ZNF273: variants seen among roughly 807,000 people sequenced by gnomAD.
ZNF273 encodes zinc finger protein 273, also known as zinc finger protein 9.
A neutral mutation model predicts 14.9 loss-of-function variants in ZNF273; 11 were observed. That is an observed-to-expected ratio of 0.74 (90% CI 0.46 to 1.22). The LOEUF (loss-of-function observed/expected upper bound fraction) is 1.22, where lower values mean the gene tolerates loss of function less well. Ranked by LOEUF, ZNF273 falls within the 50% of genes most tolerant of loss-of-function variation. ZNF273 has a pLI of 0.00. For missense variants in ZNF273, 577 were observed against 660.6 expected, an observed-to-expected ratio of 0.87 and a Z score of 1.39; for synonymous variants, 199 against 223.9, an observed-to-expected ratio of 0.89 and a Z score of 0.99.
chr7:64,881,192 C>T (rs183697700), downstream of ZNF273, among the ~76,000 whole-genome samples: 289 of 152,336 alleles, frequency 1.9e-3, no homozygotes, highest in Non-Finnish European at 3.3e-3. Context: ...CTGGCCAGCT[C>T]CCGATTTCCG....
In ZNF273 at chr7:64,923,312, G is replaced by A. The variant is rs544768801; in HGVS notation, c.326-4342G>A. The A allele has an allele frequency of 4.2e-4, 174 of 416,530 alleles. 2 individuals carry two copies. Among genetic ancestry groups the A allele is most frequent in the South Asian group, 2.5e-3 (150 of 61,138 alleles). The allele number at this position is 416,530 out of a possible 1,614,324, so 25.8% of individuals were successfully genotyped here. On this transcript the variant is annotated intron_variant, in intron 3 of 3. Coordinates refer to ENST00000476120, the MANE Select transcript of ZNF273 (RefSeq NM_021148.3). ...AACTGAGTGACAGTCCAGTTTTATTGTTGTTGTTTGTTTTGTGTGTGTGTG... is the reference window on the plus strand; with the variant it reads ...AACTGAGTGACAGTCCAGTTTTATTATTGTTGTTTGTTTTGTGTGTGTGTG...
chr7:64,909,112 T>G (rs1316214437), intron 1 of ZNF273, among the ~76,000 whole-genome samples: 2 of 152,164 alleles, frequency 1.3e-5, no homozygotes, highest in African/African-American at 4.8e-5. Context: ...TACGGGGTTT[T>G]GCCATGTTGT....
intron 1 of ZNF273, among the ~76,000 whole-genome samples, chr7:64,913,308 GA>G (rs1793703857): frequency 6.6e-6 from 1 of 152,196 alleles, no homozygotes; most frequent in African/African-American, 2.4e-5. Context: ...CAGTGACAGA[GA>G]AACAGAAGAA....
At chr7:64,878,362 A>C (rs182004145) in intron 1 of ZNF273, 1 of 152,376 alleles carries the variant, frequency 6.6e-6, no homozygotes, top group East Asian at 1.9e-4. Flanking sequence ...GGGCCAAAGC[A>C]TAGGAGTCCT....
chr7:64,924,946 G>C (rs1794705234), intron 3 of ZNF273, among the ~76,000 whole-genome samples: 1 of 151,948 alleles, frequency 6.6e-6, no homozygotes, highest in Non-Finnish European at 1.5e-5. Flanking sequence ...GGGATTACAG[G>C]CACCCGCCAC....
chr7:64,889,407 C>G, downstream of ZNF273: 1 of 984,380 alleles, frequency 1.0e-6, no homozygotes, highest in African/African-American at 1.7e-5. The surrounding 1 kb of genome is among the most constrained non-coding windows in gnomAD (Gnocchi z 4.2). Flanking sequence ...CTGCGGGTGA[C>G]CAGGAGCGCG....
chr7:64,921,332 G>C (rs1443817834), intron 3 of ZNF273, among the ~76,000 whole-genome samples: 3 of 152,022 alleles, frequency 2.0e-5, no homozygotes, highest in Non-Finnish European at 4.4e-5. Context: ...AAAGTGCTGG[G>C]ATTACAGGCG....
downstream of ZNF273, among the ~76,000 whole-genome samples, chr7:64,880,539 G>A (rs1791215591): frequency 1.3e-5 from 2 of 152,094 alleles, no homozygotes; most frequent in South Asian, 2.1e-4. Context: ...TGTATGTGGC[G>A]TCAACTGAAA....
upstream of ZNF273, among the ~76,000 whole-genome samples, chr7:64,902,225 C>A (rs1438979841): frequency 2.0e-5 from 3 of 150,082 alleles, no homozygotes; most frequent in African/African-American, 7.4e-5. Flanking sequence ...TTAAGTTTGG[C>A]TACTAGAATA....
At chr7:64,900,081 A>C (rs1443873832), upstream of ZNF273, among the ~76,000 whole-genome samples, 1 of 151,766 alleles carries the variant, frequency 6.6e-6, no homozygotes, top group Non-Finnish European at 1.5e-5. Context: ...GTGATAACAA[A>C]TGATTAGGTA....
chr7:64,911,050 G>A (rs760311022), intron 1 of ZNF273, among the ~76,000 whole-genome samples: 1 of 152,088 alleles, frequency 6.6e-6, no homozygotes, highest in African/African-American at 2.4e-5. Context: ...ACAGGCGTGA[G>A]TGAGCCACTG....
chr7:64,927,329 C>T (rs187014929), intron 3 of ZNF273, among the ~76,000 whole-genome samples: 319 of 151,990 alleles, frequency 2.1e-3, no homozygotes, highest in African/African-American at 7.2e-3. Context: ...ACCTTGTGAT[C>T]TGCCTGCCTC....
At chr7:64,927,153 C>T (rs1013877892) in intron 3 of ZNF273, among the ~76,000 whole-genome samples, 4 of 152,298 alleles carry the variant, frequency 2.6e-5, no homozygotes, top group East Asian at 3.9e-4. Flanking sequence ...AGTCCAATGG[C>T]GTAGTCTCAG....
At chr7:64,918,074 T>G (rs1331059717) in intron 2 of ZNF273, 123 bp from the exon 3 acceptor site, 1 of 843,128 alleles carries the variant, frequency 1.2e-6, no homozygotes, top group East Asian at 5.0e-5. Flanking sequence ...TTTACATTAC[T>G]AATTAGATAT....
At chr7:64,910,114 T>A (rs1793386014) in intron 1 of ZNF273, among the ~76,000 whole-genome samples, 1 of 152,196 alleles carries the variant, frequency 6.6e-6, no homozygotes, top group Non-Finnish European at 1.5e-5. Context: ...TTTCTATTGT[T>A]CTGTAGGTTG....
chr7:64,903,487 G>A, intron 1 of ZNF273, 68 bp downstream of exon 1: 1 of 1,449,396 alleles, frequency 6.9e-7, no homozygotes, highest in Non-Finnish European at 9.7e-7. Flanking sequence ...GGAAGTGGAT[G>A]TGGCGAGACT....
chr7:64,924,149 T>C (rs1794658704), intron 3 of ZNF273: 1 of 150,948 alleles, frequency 6.6e-6, no homozygotes, highest in Admixed American at 6.6e-5. Context: ...TGTTAGCTTT[T>C]AATATTGTTT....
chr7:64,900,521 A>C (rs1165113717), upstream of ZNF273, among the ~76,000 whole-genome samples: 1 of 152,188 alleles, frequency 6.6e-6, no homozygotes, highest in African/African-American at 2.4e-5. Flanking sequence ...AGCAAACCGG[A>C]AGCTTGCACT....
chr7:64,927,912 TA>T lies in ZNF273; in HGVS notation c.585del (p.His196IlefsTer26). 6.2e-7 allele frequency: 1 copy of T among 1,609,346 alleles called. No individual in the cohort carries two copies. Among genetic ancestry groups the T allele is most frequent in the Non-Finnish European group, 8.5e-7 (1 of 1,178,330 alleles). ...CTTCATAAATTCTCAAATTCAAATA[TA>T]CATAAGAAAAGACAAACTGGAAAGA... is the stretch of plus-strand genomic sequence containing the variant. Reference protein sequence around the residue: ...KVLHKFSNSNIHKKRQTGKKP... With the variant: ...KVLHKFSNSNXHKKRQTGKKP... On this transcript the variant is annotated frameshift_variant, in exon 4 of 4. Transcript: ENST00000476120. LOFTEE classifies it low-confidence loss of function (END_TRUNC).
Sources: gnomAD v4.1 joint callset for allele counts (sites outside exome capture counted in the v4.1 genomes callset) on GRCh38, gnomAD v4.1.1 for gene constraint, Gnocchi (gnomAD v3.1) non-coding constraint, MANE v1.5 for transcripts, NCBI Gene and HGNC (gene_info 2026-07-23, HGNC 2026-07-21) for gene names.